The following MAGI1 variants were observed in gnomAD, a reference collection of about 807,000 sequenced individuals.
MAGI1 encodes the protein membrane-associated guanylate kinase, WW and PDZ domain-containing protein 1.
MAGI1 carries 58 observed loss-of-function variants against 139.9 expected under a neutral mutation model. That is an observed-to-expected ratio of 0.41 (90% CI 0.34 to 0.52). MAGI1 has a LOEUF of 0.52. Ranked by LOEUF, MAGI1 falls within the 20% of genes least tolerant of loss-of-function variation. The probability of loss-of-function intolerance (pLI) is 0.12; values close to 1 mark genes in which losing one functional copy is unlikely to be tolerated. For synonymous variants in MAGI1, 812 were observed against 737.9 expected (o/e 1.10, Z -1.63); for missense variants, 1,874 against 1,901.6 (o/e 0.99, Z 0.27).
chr3:65,919,928 G>T (rs932684839), intron 1 of MAGI1, among the ~76,000 whole-genome samples: 2 of 151,930 alleles, frequency 1.3e-5, no homozygotes, highest in Admixed American at 1.3e-4. Context: ...TATCCCATTG[G>T]TCACCAACTT....
At chr3:65,394,877 T>G (rs1944259612) in intron 13 of MAGI1, among the ~76,000 whole-genome samples, 1 of 152,188 alleles carries the variant, frequency 6.6e-6, no homozygotes, top group Admixed American at 6.5e-5. Flanking sequence ...TCTGAACTAT[T>G]TATGACACAG....
intron 12 of MAGI1, among the ~76,000 whole-genome samples, chr3:65,415,034 A>C (rs930588218): frequency 1.3e-5 from 2 of 149,974 alleles, no homozygotes; most frequent in African/African-American, 4.9e-5. Flanking sequence ...AAAAAAAAAA[A>C]CAGAAGAAGA....
rs905041225 is a variant in MAGI1, at chr3:66,018,118, G to T, written c.313+19878C>A. On this transcript the variant is annotated intron_variant, in intron 1 of 22. Transcript: ENST00000402939. ...GATAAGGAAGGACACTTTGGTGGGGGGGGGGGGTGTCTGCACATGCCCATT... is the reference window on the plus strand; with the variant it reads ...GATAAGGAAGGACACTTTGGTGGGGTGGGGGGGTGTCTGCACATGCCCATT... Among the ~76,000 whole-genome samples, 263 of 136,654 alleles carry T rather than the reference G, an allele frequency of 1.9e-3. 4 individuals are homozygous for T. Among genetic ancestry groups the T allele is most frequent in the African/African-American group, 5.8e-3 (227 of 39,444 alleles). The allele number at this position is 136,654 out of a possible 152,430, so 89.7% of individuals were successfully genotyped here. A position where few individuals can be genotyped will look rare whatever the true frequency, so the allele number is the denominator to read the frequency against.
chr3:65,625,029 C>T (rs889039027), intron 1 of MAGI1, among the ~76,000 whole-genome samples: 3 of 152,074 alleles, frequency 2.0e-5, no homozygotes, highest in African/African-American at 4.8e-5. Context: ...TCTTCCACCA[C>T]GCGCAGCGAG....
intron 11 of MAGI1, 92 bp from the exon 12 acceptor site, chr3:65,430,232 T>C: frequency 7.9e-7 from 1 of 1,260,566 alleles, no homozygotes; most frequent in Non-Finnish European, 1.1e-6. Flanking sequence ...AAAGCTGAAC[T>C]GAAACTGCAT....
intron 1 of MAGI1, among the ~76,000 whole-genome samples, chr3:65,655,749 G>T (rs1179098107): frequency 1.3e-5 from 2 of 152,188 alleles, no homozygotes; most frequent in Non-Finnish European, 2.9e-5. Context: ...ACACAGCTTA[G>T]TAAGAGGTAG....
intron 1 of MAGI1, among the ~76,000 whole-genome samples, chr3:65,825,623 A>T (rs941409255): frequency 4.6e-5 from 7 of 152,218 alleles, no homozygotes; most frequent in Non-Finnish European, 8.8e-5. Context: ...CTTCTAAAAC[A>T]CCTAAAAGGT....
At chr3:65,384,530 A>G (rs1335456280) in intron 14 of MAGI1, among the ~76,000 whole-genome samples, 3 of 152,184 alleles carry the variant, frequency 2.0e-5, no homozygotes, top group Non-Finnish European at 2.9e-5. Context: ...GCTTGAGCCC[A>G]GGCATTCAAG....
intron 2 of MAGI1, among the ~76,000 whole-genome samples, chr3:65,511,254 C>T (rs927299154): frequency 2.0e-5 from 3 of 150,058 alleles, no homozygotes; most frequent in Non-Finnish European, 4.5e-5. Context: ...AACTAATGAG[C>T]AAAATAACCA....
intron 2 of MAGI1, among the ~76,000 whole-genome samples, chr3:65,550,310 G>T (rs1453743465): frequency 2.0e-5 from 3 of 152,176 alleles, no homozygotes; most frequent in East Asian, 3.9e-4. Context: ...AGAAATGCTG[G>T]AGCAATGCCC....
chr3:65,790,310 A>G (rs2039674057), intron 1 of MAGI1, among the ~76,000 whole-genome samples: 1 of 152,248 alleles, frequency 6.6e-6, no homozygotes, highest in African/African-American at 2.4e-5. Context: ...TTGCCTTCTT[A>G]ATTACAACAG....
intron 1 of MAGI1, among the ~76,000 whole-genome samples, chr3:65,962,981 T>A (rs1238058242): frequency 1.3e-5 from 2 of 149,616 alleles, no homozygotes; most frequent in African/African-American, 2.4e-5. Context: ...TTTTTTTTTT[T>A]AAACACTGCA....
intron 2 of MAGI1, among the ~76,000 whole-genome samples, chr3:65,620,297 A>G (rs1236496822): frequency 1.3e-5 from 2 of 152,194 alleles, no homozygotes; most frequent in African/African-American, 4.8e-5. Context: ...GCACCTATGA[A>G]AACAGCCCTA....
intron 1 of MAGI1, among the ~76,000 whole-genome samples, chr3:65,864,516 C>T (rs9810419): frequency 0.45 from 69,211 of 152,190 alleles, 17,673 homozygotes; most frequent in African/African-American, 0.69. Context: ...GTCAGCGAGA[C>T]GGCAGACTCC....
intron 2 of MAGI1, among the ~76,000 whole-genome samples, chr3:65,612,862 C>T (rs1036787330): frequency 6.6e-6 from 1 of 152,030 alleles, no homozygotes; most frequent in Non-Finnish European, 1.5e-5. Flanking sequence ...CTTTCATGTG[C>T]CTTCATAAAT....
chr3:65,640,931 A>G (rs1183556663), intron 1 of MAGI1, among the ~76,000 whole-genome samples: 1 of 152,148 alleles, frequency 6.6e-6, no homozygotes, highest in African/African-American at 2.4e-5. Context: ...GCCTTTGGGA[A>G]CTGTGACACC....
chr3:65,417,040 ACT>A (rs1393740397), intron 12 of MAGI1, among the ~76,000 whole-genome samples: 3 of 152,210 alleles, frequency 2.0e-5, no homozygotes, highest in African/African-American at 7.2e-5. Context: ...CACATGGTAA[ACT>A]CTGTCTCAGA....
chr3:65,785,168 T>C (rs891585613), intron 1 of MAGI1, among the ~76,000 whole-genome samples: 1 of 152,234 alleles, frequency 6.6e-6, no homozygotes, highest in Non-Finnish European at 1.5e-5. Flanking sequence ...GTATCCCATA[T>C]GTATTCATGA....
intron 1 of MAGI1, among the ~76,000 whole-genome samples, chr3:65,743,045 C>A (rs2035408534): frequency 6.6e-6 from 1 of 152,054 alleles, no homozygotes; most frequent in Admixed American, 6.5e-5. Flanking sequence ...GAAAGAGACC[C>A]TACATGACTT....
Sources: allele counts gnomAD v4.1 joint callset (sites outside exome capture counted in the v4.1 genomes callset), GRCh38; gene constraint gnomAD v4.1.1; transcripts MANE v1.5; gene names NCBI Gene and HGNC (gene_info 2026-07-23, HGNC 2026-07-21).